SMARCA2: variants seen among roughly 807,000 people sequenced by gnomAD.
SMARCA2 encodes SWI/SNF-related matrix-associated actin-dependent regulator of chromatin subfamily A member 2.
SMARCA2 carries 61 observed loss-of-function variants against 199.8 expected under a neutral mutation model. The ratio of observed to expected loss-of-function variants is 0.31; its 90% CI spans 0.25 to 0.38. The LOEUF (loss-of-function observed/expected upper bound fraction) is 0.38. Ranked by LOEUF, SMARCA2 falls within the 10% of genes least tolerant of loss-of-function variation. The probability of loss-of-function intolerance (pLI) is 1.00; values close to 1 mark genes in which losing one functional copy is unlikely to be tolerated. For synonymous variants in SMARCA2, 935 were observed against 732.0 expected (o/e 1.28, Z -4.48); for missense variants, 1,344 against 2,012.2 (o/e 0.67, Z 6.35).
intron 27 of SMARCA2, among the ~76,000 whole-genome samples, chr9:2,154,374 A>G (rs984995939): frequency 1.3e-5 from 2 of 152,130 alleles, no homozygotes; most frequent in Non-Finnish European, 2.9e-5. Flanking sequence ...ATTTTTTTCT[A>G]TATTAGACAG....
rs1825699917 is a variant in SMARCA2 at position 2,161,886 on chromosome 9, G to C, written c.4182G>C (p.Val1394=). 1 of 1,613,844 alleles carries C rather than the reference G, an allele frequency of 6.2e-7. No individual in the cohort carries two copies. The change falls in exon 28 of 34, where the codon GTG becomes GTC. Residue 1394 remains valine, a synonymous_variant. Coordinates refer to ENST00000349721, the MANE Select transcript of SMARCA2 (RefSeq NM_003070.5). The surrounding 1 kb of genome is among the most constrained non-coding windows in gnomAD (Gnocchi z 4.7). The part of the protein sequence containing the change: ...TKQMNAIIDT[V]INYKDRCNVE... ...AGATGAACGCTATCATCGATACTGTGATAAACTACAAAGATAGGTGAGTGT... is the reference window on the plus strand; with the variant it reads ...AGATGAACGCTATCATCGATACTGTCATAAACTACAAAGATAGGTGAGTGT...
At chr9:2,162,760 T>A (rs1278499373) in intron 28 of SMARCA2, 1 of 152,210 alleles carries the variant, frequency 6.6e-6, no homozygotes, top group Non-Finnish European at 1.5e-5. Flanking sequence ...AAATTTTTTC[T>A]TAAGGGGGTG....
At chr9:2,148,150 C>T (rs891655667) in intron 27 of SMARCA2, among the ~76,000 whole-genome samples, 1 of 151,736 alleles carries the variant, frequency 6.6e-6, no homozygotes, top group Non-Finnish European at 1.5e-5. Flanking sequence ...ATTGTTCATG[C>T]TCTTTATAGA....
At chr9:2,098,901 C>T (rs574881526) in intron 21 of SMARCA2, among the ~76,000 whole-genome samples, 7 of 150,920 alleles carry the variant, frequency 4.6e-5, no homozygotes, top group Admixed American at 1.3e-4. Flanking sequence ...GAGCCGAGAT[C>T]GCACCATTGT....
At chr9:2,045,620 A>G (rs1487200087) in intron 4 of SMARCA2, 2 of 152,182 alleles carry the variant, frequency 1.3e-5, no homozygotes, top group African/African-American at 4.8e-5. Context: ...AAGTATTTAG[A>G]TGAAAAAACT....
chr9:2,077,553 A>T, intron 13 of SMARCA2, 76 bp from the exon 14 acceptor site: 3 of 1,470,464 alleles, frequency 2.0e-6, no homozygotes, highest in Non-Finnish European at 2.8e-6. Context: ...AGGTTCTCAA[A>T]TCATTTTTTG....
rs546265657 is a variant in SMARCA2, at chr9:2,039,890, C to T, written c.780C>T (p.Asn260=). The T allele has an allele frequency of 5.0e-6, 8 of 1,613,734 alleles. No homozygotes were observed. In the Admixed American group the frequency reaches 5.0e-5, roughly 10 times the overall value. The change falls in exon 4 of 34, where the codon AAC becomes AAT. Residue 260 remains asparagine, a synonymous_variant. Transcript: ENST00000349721. This position sits in a 1 kb window ranked among gnomAD's most constrained non-coding sequence, Gnocchi z 4.8. ...AGCAGCCGGCCCTTGTTAACTACAA[C>T]AGACCATCTGGTAGGTTAATACGCA... ...QQQQPALVNY[N]RPSGPGPELS...
Position 2,118,274 on chromosome 9 carries a change from T to G in SMARCA2, c.3685-1184T>G, listed in dbSNP as rs76394621. On this transcript the variant is annotated intron_variant, in intron 25 of 33. Coordinates refer to ENST00000349721, the MANE Select transcript of SMARCA2 (RefSeq NM_003070.5). The stretch of plus-strand genomic sequence containing the variant: ...AAATGTAATATTTAGACAAATTGAC[T>G]TTAATCAATCTGGAGGCAAACTAGA... Among the ~76,000 whole-genome samples, 554 of 152,350 alleles carry G rather than the reference T, an allele frequency of 3.6e-3. 3 individuals carry two copies. Among genetic ancestry groups the G allele is most frequent in the South Asian group, 0.012 (57 of 4,830 alleles).
chr9:2,103,146 C>T (rs1217051615), intron 22 of SMARCA2, among the ~76,000 whole-genome samples: 1 of 152,044 alleles, frequency 6.6e-6, no homozygotes, highest in Non-Finnish European at 1.5e-5. Flanking sequence ...AGGGAGGTCA[C>T]CTCTGACACT....
intron 10 of SMARCA2, 158 bp from the exon 11 acceptor site, chr9:2,073,054 G>A (rs1214423341): frequency 4.1e-6 from 3 of 740,516 alleles, no homozygotes; most frequent in Non-Finnish European, 6.4e-6. Context: ...GTGGGAGGTA[G>A]CCTCTCACCT....
At chr9:2,173,762 C>G (rs753944554) in intron 29 of SMARCA2, among the ~76,000 whole-genome samples, 3 of 152,160 alleles carry the variant, frequency 2.0e-5, no homozygotes, top group Non-Finnish European at 4.4e-5. Flanking sequence ...GTAAAGTCAG[C>G]TGTTTAACTG....
chr9:2,149,106 A>ATGTT (rs1824912465), intron 27 of SMARCA2, among the ~76,000 whole-genome samples: 1 of 151,596 alleles, frequency 6.6e-6, no homozygotes, highest in African/African-American at 2.4e-5. Flanking sequence ...ACTGGGAAGA[A>ATGTT]AAGGAGGTTT....
rs185893177 is a variant in SMARCA2 at position 2,134,323 on chromosome 9, C to T, written c.3981+10386C>T. On this transcript the variant is annotated intron_variant, in intron 27 of 33. Coordinates refer to ENST00000349721, the MANE Select transcript of SMARCA2 (RefSeq NM_003070.5). ...CATCTCAAGCACTCCAGCTTGTACT[C>T]ATTCAGCCATTAAGTCTCTTTACCC... is the stretch of plus-strand genomic sequence containing the variant. Among the ~76,000 whole-genome samples, 383 of 152,314 alleles carry T rather than the reference C, an allele frequency of 2.5e-3. 1 individual carries two copies. Among genetic ancestry groups the T allele is most frequent in the Non-Finnish European group, 4.5e-3 (304 of 68,028 alleles).
chr9:2,031,184 G>T (rs1257570705), intron 2 of SMARCA2, among the ~76,000 whole-genome samples: 1 of 151,986 alleles, frequency 6.6e-6, no homozygotes, highest in Non-Finnish European at 1.5e-5. Context: ...ATGTATTATG[G>T]ATATCCCTAT....
At chr9:2,159,894 T>C in intron 27 of SMARCA2, 1 of 1,611,800 alleles carries the variant, frequency 6.2e-7, no homozygotes, top group Non-Finnish European at 8.5e-7. Flanking sequence ...ATAGCCGGCC[T>C]GCTGATAGTG....
At chr9:2,148,952 A>G (rs1824904294) in intron 27 of SMARCA2, among the ~76,000 whole-genome samples, 1 of 151,566 alleles carries the variant, frequency 6.6e-6, no homozygotes, top group Non-Finnish European at 1.5e-5. Flanking sequence ...TCAGCCATGT[A>G]TTACCAGCAA....
Position 2,030,277 on chromosome 9 carries a change from A to G in SMARCA2, c.225+1030A>G, listed in dbSNP as rs187897159. ...AGAGTTCTATTATCTGCAGTCACCA[A>G]TCTGGATACCCAGCAGAACCTGTGG... On this transcript the variant is annotated intron_variant, in intron 2 of 33. Coordinates refer to ENST00000349721, the MANE Select transcript of SMARCA2 (RefSeq NM_003070.5). Among the ~76,000 whole-genome samples the G allele has an allele frequency of 2.0e-5, 3 of 152,324 alleles. 1 individual carries two copies. Among genetic ancestry groups the G allele is most frequent in the Admixed American group, 2.0e-4 (3 of 15,302 alleles).
At chr9:2,181,300 T>C (rs1827005945) in intron 29 of SMARCA2, 4 of 270,068 alleles carry the variant, frequency 1.5e-5, no homozygotes, top group East Asian at 1.1e-4. Flanking sequence ...TAAAGAGATA[T>C]ATTTGCTCTG....
chr9:2,185,144 C>G (rs776291806), intron 31 of SMARCA2, among the ~76,000 whole-genome samples: 2 of 152,104 alleles, frequency 1.3e-5, no homozygotes, highest in East Asian at 3.9e-4. Context: ...TTTAATCTTG[C>G]GACTCTGAAA....
Sources: allele counts gnomAD v4.1 joint callset (sites outside exome capture counted in the v4.1 genomes callset), GRCh38; gene constraint gnomAD v4.1.1; non-coding constraint Gnocchi (gnomAD v3.1); transcripts MANE v1.5; gene names NCBI Gene and HGNC (gene_info 2026-07-23, HGNC 2026-07-21).